The following ATRNL1 variants were observed in gnomAD, a reference collection of about 807,000 sequenced individuals.
ATRNL1 encodes the protein attractin like 1.
A neutral mutation model predicts 182.7 loss-of-function variants in ATRNL1; 95 were observed. That is an observed-to-expected ratio of 0.52 (90% CI 0.44 to 0.62). The LOEUF is 0.62. ATRNL1 is among the 20% of genes least tolerant of loss of function. ATRNL1 has a pLI of 0.00. For missense variants in ATRNL1, 1,471 were observed against 1,679.5 expected (o/e 0.88, Z 2.17); for synonymous variants, 576 against 568.3 (o/e 1.01, Z -0.19).
intron 28 of ATRNL1, among the ~76,000 whole-genome samples, chr10:115,937,418 G>A (rs782772761): frequency 1.2e-4 from 18 of 152,166 alleles, no homozygotes; most frequent in South Asian, 6.2e-4. Context: ...CAGTGTCTTC[G>A]GCACTTGAAG....
At chr10:115,216,261 G>T (rs546105348) in intron 9 of ATRNL1, among the ~76,000 whole-genome samples, 1 of 152,046 alleles carries the variant, frequency 6.6e-6, no homozygotes, top group Non-Finnish European at 1.5e-5. Flanking sequence ...TTGCTCTAGG[G>T]TGCATACTTA....
At chr10:115,149,444 T>G (rs1846115765) in intron 5 of ATRNL1, among the ~76,000 whole-genome samples, 1 of 152,160 alleles carries the variant, frequency 6.6e-6, no homozygotes, top group African/African-American at 2.4e-5. Flanking sequence ...TCTTTTTAAC[T>G]CCTGTAACAG....
rs12248336 is a variant in ATRNL1, at chr10:115,901,203, A to G, written c.4019-43455A>G. On this transcript the variant is annotated intron_variant, in intron 28 of 28. Coordinates refer to ENST00000355044, the MANE Select transcript of ATRNL1 (RefSeq NM_207303.4). ...ATTTTATGGAAAAAGTCATCTCTTT[A>G]GGTCACATTTTTCTCCCACATGGAC... Among the ~76,000 whole-genome samples, 1,134 of 152,340 alleles carry G rather than the reference A, an allele frequency of 7.4e-3. 13 individuals carry two copies. Among genetic ancestry groups the G allele is most frequent in the African/African-American group, 0.026 (1,081 of 41,580 alleles).
chr10:115,679,440 T>G (rs1202457676), intron 26 of ATRNL1, among the ~76,000 whole-genome samples: 1 of 152,010 alleles, frequency 6.6e-6, no homozygotes, highest in Non-Finnish European at 1.5e-5. Context: ...GCCTGCAGGT[T>G]TTTTTTAGAG....
chr10:115,771,323 T>C (rs1478084711), intron 27 of ATRNL1, among the ~76,000 whole-genome samples: 3 of 151,596 alleles, frequency 2.0e-5, no homozygotes, highest in Non-Finnish European at 2.9e-5. Flanking sequence ...CTCCGCCTCC[T>C]GGGTTCACGC....
intron 27 of ATRNL1, among the ~76,000 whole-genome samples, chr10:115,822,955 A>C (rs1394208765): frequency 2.6e-5 from 4 of 152,208 alleles, no homozygotes; most frequent in African/African-American, 9.6e-5. Flanking sequence ...TCCTGATACC[A>C]AAACTTGGCA....
chr10:115,186,302 G>A (rs1443811543), intron 8 of ATRNL1, among the ~76,000 whole-genome samples: 2 of 151,864 alleles, frequency 1.3e-5, no homozygotes, highest in South Asian at 2.1e-4. Context: ...CAGTTCGGAG[G>A]TTCCTCAAAA....
intron 15 of ATRNL1, among the ~76,000 whole-genome samples, chr10:115,293,305 C>T (rs1554921496): frequency 1.3e-5 from 2 of 151,970 alleles, no homozygotes; most frequent in East Asian, 1.9e-4. Context: ...AAAAAATACC[C>T]TCAGACAGTC....
intron 17 of ATRNL1, among the ~76,000 whole-genome samples, chr10:115,304,334 T>C (rs1554925534): frequency 6.6e-6 from 1 of 152,230 alleles, no homozygotes; most frequent in East Asian, 1.9e-4. Context: ...CTTTGAGCTT[T>C]CTTGTTTTTC....
intron 25 of ATRNL1, among the ~76,000 whole-genome samples, chr10:115,520,671 A>T (rs1850880121): frequency 6.6e-6 from 1 of 152,192 alleles, no homozygotes. Flanking sequence ...AACTGAGCTG[A>T]AATCTGCCTC....
intron 19 of ATRNL1, among the ~76,000 whole-genome samples, chr10:115,352,105 G>A (rs1355966667): frequency 6.6e-6 from 1 of 151,972 alleles, no homozygotes; most frequent in Non-Finnish European, 1.5e-5. Context: ...TTGGGATATA[G>A]TTGCTTATCA....
chr10:115,507,270 T>G (rs1354301600), intron 24 of ATRNL1, among the ~76,000 whole-genome samples: 3 of 152,052 alleles, frequency 2.0e-5, no homozygotes, highest in African/African-American at 7.2e-5. Context: ...CTCTAGGCAG[T>G]TCCCAGCTTC....
chr10:115,862,064 T>C (rs1402583095), intron 28 of ATRNL1, among the ~76,000 whole-genome samples: 3 of 152,256 alleles, frequency 2.0e-5, no homozygotes, highest in African/African-American at 7.2e-5. Flanking sequence ...ACTCTGCTTC[T>C]GCTCCTTGGA....
At chr10:115,226,940 A>C (rs1206390073) in intron 9 of ATRNL1, among the ~76,000 whole-genome samples, 1 of 152,212 alleles carries the variant, frequency 6.6e-6, no homozygotes, top group Non-Finnish European at 1.5e-5. Flanking sequence ...AATGGATCAA[A>C]GATTGAAATG....
At chr10:115,248,335 T>TA in intron 10 of ATRNL1, among the ~76,000 whole-genome samples, 1 of 152,160 alleles carries the variant, frequency 6.6e-6, no homozygotes, top group Non-Finnish European at 1.5e-5. Flanking sequence ...AAAAAAGTTT[T>TA]AAAAAGTCTT....
chr10:115,923,607 G>GGA (rs1226252759), intron 28 of ATRNL1, among the ~76,000 whole-genome samples: 1 of 152,104 alleles, frequency 6.6e-6, no homozygotes, highest in Non-Finnish European at 1.5e-5. Flanking sequence ...TGGCTGTGTA[G>GGA]TATTCCATGG....
At chr10:115,785,521 T>C (rs1555080223) in intron 27 of ATRNL1, among the ~76,000 whole-genome samples, 1 of 152,236 alleles carries the variant, frequency 6.6e-6, no homozygotes, top group Non-Finnish European at 1.5e-5. Context: ...TGGGAGTCTG[T>C]GCCATTATGC....
intron 1 of ATRNL1, among the ~76,000 whole-genome samples, chr10:115,099,705 CAT>C (rs1195910635): frequency 6.6e-6 from 1 of 152,140 alleles, no homozygotes; most frequent in African/African-American, 2.4e-5. Flanking sequence ...AGTATCTTCT[CAT>C]GTGCTTACTT....
intron 15 of ATRNL1, among the ~76,000 whole-genome samples, chr10:115,296,684 T>G (rs1483177278): frequency 7.0e-6 from 1 of 142,014 alleles, no homozygotes; most frequent in African/African-American, 2.9e-5. Context: ...TGGCCTTAAG[T>G]TTTTTTTTTA....
Sources: gnomAD v4.1 joint callset for allele counts (sites outside exome capture counted in the v4.1 genomes callset) on GRCh38, gnomAD v4.1.1 for gene constraint, MANE v1.5 for transcripts, NCBI Gene and HGNC (gene_info 2026-07-23, HGNC 2026-07-21) for gene names.